The following CPB1 variants were observed in gnomAD, a reference collection of about 807,000 sequenced individuals.
CPB1 encodes the protein carboxypeptidase B1.
A neutral mutation model predicts 51.4 loss-of-function variants in CPB1; 53 were observed. The ratio of observed to expected loss-of-function variants is 1.03; its 90% CI spans 0.83 to 1.30. The LOEUF (loss-of-function observed/expected upper bound fraction) is 1.30. Ranked by LOEUF, CPB1 falls within the 50% of genes most tolerant of loss-of-function variation. The pLI, the probability that CPB1 is intolerant of heterozygous loss-of-function variation, is 0.00. For synonymous variants in CPB1, 189 were observed against 186.9 expected (o/e 1.01, Z -0.09); for missense variants, 494 against 516.2 (o/e 0.96, Z 0.42).
At chr3:148,848,256 A>C (rs1033524251) in intron 9 of CPB1, among the ~76,000 whole-genome samples, 3 of 152,148 alleles carry the variant, frequency 2.0e-5, no homozygotes, top group Non-Finnish European at 4.4e-5. Context: ...TTTTATTTAC[A>C]ATGAGGATTT....
chr3:148,830,305 AT>A (rs1712694042), intron 2 of CPB1, among the ~76,000 whole-genome samples: 2 of 152,110 alleles, frequency 1.3e-5, no homozygotes, highest in Non-Finnish European at 2.9e-5. Context: ...CATCTGCAGT[AT>A]TTTTTTAGTT....
chr3:148,852,006 T>C (rs1017182015), intron 9 of CPB1: 8 of 152,236 alleles, frequency 5.3e-5, no homozygotes, highest in African/African-American at 1.9e-4. Flanking sequence ...GACAGACTTA[T>C]ACTGAAAAAT....
intron 3 of CPB1, among the ~76,000 whole-genome samples, chr3:148,839,691 C>T (rs1415344644): frequency 2.0e-5 from 3 of 152,196 alleles, no homozygotes; most frequent in African/African-American, 7.2e-5. Flanking sequence ...ATGTCCCTGA[C>T]ATACTTCATC....
chr3:148,831,716 A>T (rs1484846280), intron 2 of CPB1, among the ~76,000 whole-genome samples: 1 of 152,168 alleles, frequency 6.6e-6, no homozygotes, highest in Non-Finnish European at 1.5e-5. Context: ...TCTTTGTCAC[A>T]TTTATAATTT....
chr3:148,854,295 T>C (rs1471773357), intron 9 of CPB1: 1 of 152,126 alleles, frequency 6.6e-6, no homozygotes, highest in African/African-American at 2.4e-5. Flanking sequence ...GATAAATGAG[T>C]AACATTTGTG....
Position 148,859,080 on chromosome 3 carries a change from A to G in CPB1, c.1067-735A>G, listed in dbSNP as rs566499141. Among the ~76,000 whole-genome samples, 6 of 152,316 alleles carry G rather than the reference A, an allele frequency of 3.9e-5. No individual in the cohort carries two copies. The South Asian group carries it at 8.3e-4, about 21-fold the overall frequency. On this transcript the variant is annotated intron_variant, in intron 10 of 10. Coordinates refer to ENST00000282957, the MANE Select transcript of CPB1 (RefSeq NM_001871.3). ...TAGCCCACCTATTTATATATGGTGA[A>G]CTTGGTGCATGTTTTATTCAGTTCA...
intron 10 of CPB1, among the ~76,000 whole-genome samples, chr3:148,858,151 G>GA (rs1299263623): frequency 6.6e-6 from 1 of 152,142 alleles, no homozygotes; most frequent in African/African-American, 2.4e-5. Flanking sequence ...TAAGTGCTGT[G>GA]ACATTAGGAT....
intron 9 of CPB1, chr3:148,856,282 C>T (rs1713564992): frequency 6.6e-6 from 1 of 152,200 alleles, no homozygotes; most frequent in South Asian, 2.1e-4. Flanking sequence ...CATTTAATAA[C>T]TCTTTTTAAG....
Position 148,834,621 on chromosome 3 carries a change from A to T in CPB1, c.271A>T (p.Lys91Ter), listed in dbSNP as rs964085720. The T allele has an allele frequency of 1.9e-6, 3 of 1,604,366 alleles. No individual in the cohort carries two copies. In the East Asian group the frequency reaches 6.7e-5, roughly 36 times the overall value. ...NVLKQNELQY[K>*]VLISNLRNVV... ...TCTAAAGCAGAATGAACTACAATACAAGTAAGTTTATGTTTTATAAATATT... is the reference window on the plus strand; with the variant it reads ...TCTAAAGCAGAATGAACTACAATACTAGTAAGTTTATGTTTTATAAATATT... The change falls in exon 3 of 11, where the codon AAG becomes TAG. Residue 91 changes from lysine (K) to a stop codon, truncating the protein, a stop_gained and splice_region_variant. Coordinates refer to ENST00000282957, the MANE Select transcript of CPB1 (RefSeq NM_001871.3). LOFTEE classifies it high-confidence loss of function.
intron 10 of CPB1, among the ~76,000 whole-genome samples, chr3:148,858,789 T>C (rs1465076612): frequency 1.3e-5 from 2 of 152,082 alleles, no homozygotes; most frequent in African/African-American, 4.8e-5. Flanking sequence ...CAGGCCTCAT[T>C]TTCAATTTCT....
At position 148,840,902 on chromosome 3, in the gene CPB1, C is replaced by T; in HGVS notation, c.401C>T (p.Thr134Ile). 1 of 1,614,164 alleles carries T rather than the reference C, an allele frequency of 6.2e-7. No homozygotes were observed. Among genetic ancestry groups the T allele is most frequent in the Non-Finnish European group, 8.5e-7 (1 of 1,180,000 alleles). Reference protein sequence around the residue: ...TIEAWTQQVATENPALISRSV... With the variant: ...TIEAWTQQVAIENPALISRSV... ...GAGGCTTGGACTCAACAAGTCGCCA[C>T]TGAGAATCCAGCCCTCATCTCTCGC... Residue 134 changes from threonine (T) to isoleucine (I), a missense_variant, in exon 5 of 11, where the codon ACT becomes ATT. Coordinates refer to ENST00000282957, the MANE Select transcript of CPB1 (RefSeq NM_001871.3).
In CPB1 at chr3:148,840,731, T is replaced by C. The variant is rs1453431468; in HGVS notation, c.318T>C (p.Asp106=). The C allele has an allele frequency of 3.1e-6, 5 of 1,614,150 alleles. No individual in the cohort carries two copies. In the Admixed American group the frequency reaches 8.3e-5, roughly 27 times the overall value. ...NLRNVVEAQF[D]SRVRATGHSY... is the part of the protein sequence containing the mutation. ...GAAATGTGGTGGAGGCTCAGTTTGA[T>C]AGCCGGGTTCGTGCAACAGGACACA... Residue 106 remains aspartate, a synonymous_variant, in exon 4 of 11, where the codon GAT becomes GAC. Transcript: ENST00000282957.
chr3:148,857,924 A>G (rs1713632146), intron 10 of CPB1, among the ~76,000 whole-genome samples: 6 of 152,102 alleles, frequency 3.9e-5, no homozygotes, highest in Non-Finnish European at 1.5e-5. Flanking sequence ...GAGGAGAAAA[A>G]TATCCTTTTC....
intron 3 of CPB1, among the ~76,000 whole-genome samples, chr3:148,836,258 A>C (rs1712899079): frequency 6.6e-6 from 1 of 152,118 alleles, no homozygotes; most frequent in Admixed American, 6.6e-5. Flanking sequence ...AAGTGTCAAA[A>C]TGTGACCTTA....
At chr3:148,838,474 C>G (rs1358391049) in intron 3 of CPB1, 1 of 151,020 alleles carries the variant, frequency 6.6e-6, no homozygotes, top group Non-Finnish European at 1.5e-5. Context: ...CAGTTTCTGT[C>G]GGTTGATTTT....
chr3:148,850,082 T>C (rs1460208387), intron 9 of CPB1, among the ~76,000 whole-genome samples: 2 of 152,252 alleles, frequency 1.3e-5, no homozygotes, highest in Middle Eastern at 3.2e-3. Context: ...TAACTTCTCA[T>C]GGCCTAGTCT....
chr3:148,859,498 A>G (rs762011330), intron 10 of CPB1, among the ~76,000 whole-genome samples: 1 of 152,174 alleles, frequency 6.6e-6, no homozygotes, highest in Non-Finnish European at 1.5e-5. Flanking sequence ...TTTTCCTGAG[A>G]GATACACATC....
intron 6 of CPB1, among the ~76,000 whole-genome samples, chr3:148,842,364 G>C (rs1328853818): frequency 6.6e-6 from 1 of 152,130 alleles, no homozygotes; most frequent in Non-Finnish European, 1.5e-5. Flanking sequence ...ATTATCTCTT[G>C]GCTAATAATC....
intron 3 of CPB1, among the ~76,000 whole-genome samples, chr3:148,837,868 A>C (rs139761364): frequency 2.0e-5 from 3 of 152,198 alleles, no homozygotes; most frequent in African/African-American, 7.2e-5. Flanking sequence ...GAAAATGTTT[A>C]ATATTTAAAG....
Sources: allele counts gnomAD v4.1 joint callset (sites outside exome capture counted in the v4.1 genomes callset), GRCh38; gene constraint gnomAD v4.1.1; transcripts MANE v1.5; gene names NCBI Gene and HGNC (gene_info 2026-07-23, HGNC 2026-07-21).